The following FOXP1 variants were observed in gnomAD, a reference collection of about 807,000 sequenced individuals.
FOXP1 encodes the protein forkhead box protein P1.
FOXP1 carries 15 observed loss-of-function variants against 98.2 expected under a neutral mutation model. The ratio of observed to expected loss-of-function variants is 0.15; its 90% confidence interval spans 0.10 to 0.24. The LOEUF (loss-of-function observed/expected upper bound fraction) is 0.24. FOXP1 is among the 10% of genes least tolerant of loss of function. The pLI, the probability that FOXP1 is intolerant of heterozygous loss-of-function variation, is 1.00. For synonymous variants in FOXP1, 371 were observed against 314.5 expected, an observed-to-expected ratio of 1.18 and a Z score of -1.90; for missense variants, 633 against 848.5, an observed-to-expected ratio of 0.75 and a Z score of 3.15.
At chr3:71,554,537 A>G (rs2045989739) in intron 2 of FOXP1, among the ~76,000 whole-genome samples, 1 of 152,138 alleles carries the variant, frequency 6.6e-6, no homozygotes, top group Non-Finnish European at 1.5e-5. Flanking sequence ...CGTGTACTGG[A>G]TGGAAAAAAT....
intron 2 of FOXP1, among the ~76,000 whole-genome samples, chr3:71,503,471 C>T (rs1285681540): frequency 6.6e-6 from 1 of 152,004 alleles, no homozygotes; most frequent in Non-Finnish European, 1.5e-5. Flanking sequence ...TGTGGTGGCA[C>T]ACACCTGTAA....
chr3:71,425,389 G>C (rs1405756231), intron 3 of FOXP1, among the ~76,000 whole-genome samples: 2 of 152,102 alleles, frequency 1.3e-5, no homozygotes, highest in African/African-American at 2.4e-5. Flanking sequence ...GCCTCCCAAA[G>C]TGCTGGAATT....
intron 3 of FOXP1, among the ~76,000 whole-genome samples, chr3:71,452,157 T>C (rs1386624040): frequency 6.6e-6 from 1 of 152,162 alleles, no homozygotes; most frequent in East Asian, 1.9e-4. Flanking sequence ...AAGGTGAATG[T>C]ATATCCATTT....
At chr3:71,368,759 G>A (rs1339039381) in intron 3 of FOXP1, among the ~76,000 whole-genome samples, 1 of 152,200 alleles carries the variant, frequency 6.6e-6, no homozygotes, top group African/African-American at 2.4e-5. Context: ...GATGTCAGCA[G>A]TAGCAAGGGG....
At chr3:71,056,161 G>A (rs138137083) in intron 7 of FOXP1, among the ~76,000 whole-genome samples, 95 of 152,188 alleles carry the variant, frequency 6.2e-4, no homozygotes, top group Admixed American at 1.0e-3. Context: ...ATATTTGAGC[G>A]CACGTAAATC....
At chr3:71,336,673 A>G (rs1438499189) in intron 4 of FOXP1, among the ~76,000 whole-genome samples, 1 of 152,292 alleles carries the variant, frequency 6.6e-6, no homozygotes, top group Non-Finnish European at 1.5e-5. Flanking sequence ...GCTAGTAAGT[A>G]GAATTAGAAT....
chr3:71,516,187 G>C (rs1297565045), intron 2 of FOXP1, among the ~76,000 whole-genome samples: 1 of 152,180 alleles, frequency 6.6e-6, no homozygotes, highest in East Asian at 1.9e-4. Context: ...GTAAAATAAC[G>C]GCCTTGTAAG....
intron 7 of FOXP1, among the ~76,000 whole-genome samples, chr3:71,091,908 C>T (rs570535093): frequency 1.1e-4 from 16 of 152,180 alleles, no homozygotes; most frequent in Non-Finnish European, 1.9e-4. Context: ...ACGATGTAGG[C>T]TGAGTGCCAT....
At position 70,977,869 on chromosome 3, in the gene FOXP1, C is replaced by T. The variant is rs748128355; in HGVS notation, c.1307G>A (p.Arg436His). Residue 436 changes from arginine (R) to histidine (H), a missense_variant, in exon 15 of 21, where the codon CGC becomes CAC. By Grantham distance (29) the Arg-to-His change is conservative (BLOSUM62 0). Transcript: ENST00000649528. ...TTSMHTVGPI[R>H]RRYSDKYNVP... The stretch of plus-strand genomic sequence containing the variant: ...GTTGTATTTGTCTGAGTACCGCCTG[C>T]GGATGGGTCCCACCGTGTGCATGCT... The T allele has an allele frequency of 8.7e-6, 14 of 1,614,102 alleles. No individual in the cohort carries two copies. The highest frequency in any genetic ancestry group is 1.2e-5 in the Non-Finnish European group (14 of 1,180,012).
chr3:71,037,648 G>A (rs1367624658), intron 11 of FOXP1, among the ~76,000 whole-genome samples: 1 of 152,166 alleles, frequency 6.6e-6, no homozygotes, highest in Non-Finnish European at 1.5e-5. Context: ...CATGTTTATT[G>A]CACCAATGAA....
At chr3:71,500,900 T>A (rs1008081951) in intron 2 of FOXP1, among the ~76,000 whole-genome samples, 1 of 152,094 alleles carries the variant, frequency 6.6e-6, no homozygotes, top group Non-Finnish European at 1.5e-5. Context: ...TACTTCTAAA[T>A]GTCAAGGATG....
chr3:71,232,963 G>A (rs985119117), intron 5 of FOXP1, among the ~76,000 whole-genome samples: 1 of 142,358 alleles, frequency 7.0e-6, no homozygotes, highest in Non-Finnish European at 1.5e-5. Flanking sequence ...CCACCACCAC[G>A]ACTACTACTA....
intron 2 of FOXP1, among the ~76,000 whole-genome samples, chr3:71,511,977 C>T (rs774481001): frequency 2.0e-5 from 3 of 152,214 alleles, no homozygotes; most frequent in Non-Finnish European, 2.9e-5. Flanking sequence ...ATGACGACAA[C>T]AATAATAGCT....
At chr3:70,969,723 T>C (rs530230313) in intron 19 of FOXP1, 1 of 152,348 alleles carries the variant, frequency 6.6e-6, no homozygotes, top group Non-Finnish European at 1.5e-5. Context: ...TATGGTCCTT[T>C]GGAAGGACAC....
chr3:71,411,317 GTA>G (rs1179068366), intron 3 of FOXP1, among the ~76,000 whole-genome samples: 3,602 of 138,660 alleles, frequency 0.026, 148 homozygotes, highest in African/African-American at 0.087. Context: ...GTGTGTGTGT[GTA>G]TGTGTGTGTG....
In FOXP1 at chr3:71,084,353, GT is replaced by G. The variant is rs1403718742; in HGVS notation, c.282+28182del. The stretch of plus-strand genomic sequence containing the variant: ...ACTCAAAATTCTTTCAGTGTGTGTG[GT>G]TTTTTTTTTTCCCCCAAAAACAAAC... On this transcript the variant is annotated intron_variant, in intron 7 of 20. Coordinates refer to ENST00000649528, the MANE Select transcript of FOXP1 (RefSeq NM_001349338.3). Among the ~76,000 whole-genome samples the G allele has an allele frequency of 1.3e-3, 186 of 145,882 alleles. 1 individual carries two copies. Among genetic ancestry groups the G allele is most frequent in the Non-Finnish European group, 1.6e-3 (103 of 66,048 alleles).
intron 2 of FOXP1, among the ~76,000 whole-genome samples, chr3:71,534,222 G>A (rs892655585): frequency 1.3e-5 from 2 of 152,208 alleles, no homozygotes; most frequent in African/African-American, 4.8e-5. Flanking sequence ...AATTAGCCAG[G>A]TGTGGTGGCG....
At chr3:71,359,831 C>T (rs2078428515) in intron 3 of FOXP1, among the ~76,000 whole-genome samples, 1 of 152,130 alleles carries the variant, frequency 6.6e-6, no homozygotes, top group African/African-American at 2.4e-5. Flanking sequence ...CTTCTATCTC[C>T]AAGGCTAGAG....
intron 3 of FOXP1, among the ~76,000 whole-genome samples, chr3:71,458,535 A>G (rs2087717182): frequency 6.6e-6 from 1 of 152,224 alleles, no homozygotes; most frequent in Admixed American, 6.5e-5. Context: ...GACAAGGTGA[A>G]ATATTCTGCC....
Sources: allele counts gnomAD v4.1 joint callset (sites outside exome capture counted in the v4.1 genomes callset), GRCh38; gene constraint gnomAD v4.1.1; transcripts MANE v1.5; gene names NCBI Gene and HGNC (gene_info 2026-07-23, HGNC 2026-07-21).